SLC15A5: variants seen among roughly 807,000 people sequenced by gnomAD.
SLC15A5 encodes Peptide/histidine transporter ENSP00000340402.
Under a neutral mutation model 56.1 loss-of-function variants are expected in SLC15A5, and 58 were observed. The observed-to-expected ratio is 1.03, with a 90% CI of 0.84 to 1.29. The LOEUF is 1.29. Ranked by LOEUF, SLC15A5 falls within the 50% of genes most tolerant of loss-of-function variation. SLC15A5 has a pLI of 0.00. For synonymous variants in SLC15A5, 264 were observed against 250.5 expected, an observed-to-expected ratio of 1.05 and a Z score of -0.51; for missense variants, 681 against 672.1, an observed-to-expected ratio of 1.01 and a Z score of -0.15.
At chr12:16,249,820 G>A (rs149674497) in intron 3 of SLC15A5, among the ~76,000 whole-genome samples, 6 of 152,120 alleles carry the variant, frequency 3.9e-5, no homozygotes, top group African/African-American at 1.2e-4. Flanking sequence ...ATGTGTGTGC[G>A]TATTCACAAA....
chr12:16,202,339 T>C (rs1441833640), intron 7 of SLC15A5, among the ~76,000 whole-genome samples: 1 of 152,062 alleles, frequency 6.6e-6, no homozygotes, highest in Admixed American at 6.6e-5. Flanking sequence ...CCAACAGGTA[T>C]ATAAAAAACT....
chr12:16,267,907 TA>T lies in SLC15A5; in HGVS notation c.584+4653del, dbSNP rs79485675. ...GTTCACCCCACCATGCCTGGGTAATTAAAAAAAAATGTTTTTTTGGTAGAGA... is the reference window on the plus strand; with the variant it reads ...GTTCACCCCACCATGCCTGGGTAATTAAAAAAAATGTTTTTTTGGTAGAGA... On this transcript the variant is annotated intron_variant, in intron 2 of 8. Transcript: ENST00000344941. Among the ~76,000 whole-genome samples the T allele has an allele frequency of 3.1e-5, 3 of 97,322 alleles. 1 individual carries two copies. The highest frequency in any genetic ancestry group is 8.2e-5 in the African/African-American group (2 of 24,488). The allele number at this position is 97,322 out of a possible 152,430, so 63.8% of individuals were successfully genotyped here. A position where few individuals can be genotyped will look rare whatever the true frequency, so the allele number is the denominator to read the frequency against.
rs767510283 is a variant in SLC15A5 at position 16,269,319 on chromosome 12, C to A, written c.584+3242G>T. On this transcript the variant is annotated intron_variant, in intron 2 of 8. Transcript: ENST00000344941. The surrounding 1 kb of genome is among the most constrained non-coding windows in gnomAD (Gnocchi z 4.7). ...GTGATAATTAAAATGAGCAACACTGCGTTGGAACAGTGGTTCTCAACTCTA... is the reference window on the plus strand; with the variant it reads ...GTGATAATTAAAATGAGCAACACTGAGTTGGAACAGTGGTTCTCAACTCTA... Among the ~76,000 whole-genome samples the A allele has an allele frequency of 6.6e-6, 1 of 152,118 alleles. No homozygotes were observed. The highest frequency in any genetic ancestry group is 1.5e-5 in the Non-Finnish European group (1 of 68,028).
chr12:16,249,893 A>G (rs766541320), intron 3 of SLC15A5, among the ~76,000 whole-genome samples: 127 of 152,036 alleles, frequency 8.4e-4, no homozygotes, highest in Admixed American at 5.4e-3. Flanking sequence ...AGGAAAAATC[A>G]TATACTTTAC....
intron 7 of SLC15A5, among the ~76,000 whole-genome samples, chr12:16,213,179 G>C (rs1864099429): frequency 6.6e-6 from 1 of 152,072 alleles, no homozygotes; most frequent in Non-Finnish European, 1.5e-5. Flanking sequence ...CTTTGATAGA[G>C]AAAAATCAAG....
chr12:16,250,252 G>T (rs1357329241), intron 3 of SLC15A5, among the ~76,000 whole-genome samples: 2 of 151,916 alleles, frequency 1.3e-5, no homozygotes, highest in Non-Finnish European at 2.9e-5. Context: ...ATAAGACACA[G>T]GAATTTCTAA....
At chr12:16,244,833 T>A (rs1864447086) in intron 3 of SLC15A5, 33 bp from the exon 4 acceptor site, 1 of 1,512,502 alleles carries the variant, frequency 6.6e-7, no homozygotes, top group Non-Finnish European at 8.9e-7. Context: ...TGTATTAGTA[T>A]AGGAATTGTT....
intron 1 of SLC15A5, among the ~76,000 whole-genome samples, chr12:16,273,362 CACAA>C (rs201092250): frequency 0.01 from 1,557 of 151,850 alleles, 29 homozygotes; most frequent in African/African-American, 0.034. Context: ...CCTTCTTTGC[CACAA>C]ACAGAGTTGA....
chr12:16,222,190 C>T (rs1251078578), intron 6 of SLC15A5, among the ~76,000 whole-genome samples: 1 of 152,106 alleles, frequency 6.6e-6, no homozygotes, highest in Non-Finnish European at 1.5e-5. Flanking sequence ...CCACTTAGTC[C>T]TTTGAACAAC....
At chr12:16,225,805 G>A (rs1864235817) in intron 5 of SLC15A5, among the ~76,000 whole-genome samples, 3 of 152,126 alleles carry the variant, frequency 2.0e-5, no homozygotes, top group Admixed American at 6.5e-5. Context: ...GAAACAACAG[G>A]TGCTGGACAT....
At chr12:16,260,758 GT>G (rs36000800) in intron 2 of SLC15A5, among the ~76,000 whole-genome samples, 67,172 of 147,132 alleles carry the variant, frequency 0.46, 15,070 homozygotes, top group South Asian at 0.62. Context: ...GTATTTTCCC[GT>G]TTTTTTTTTT....
intron 5 of SLC15A5, among the ~76,000 whole-genome samples, chr12:16,232,908 T>C (rs1187460152): frequency 1.4e-5 from 2 of 142,014 alleles, no homozygotes; most frequent in Non-Finnish European, 3.0e-5. Flanking sequence ...AGAGCTAGAC[T>C]CTGTCTAAAA....
At chr12:16,222,399 T>C (rs968373253) in intron 6 of SLC15A5, among the ~76,000 whole-genome samples, 4 of 152,184 alleles carry the variant, frequency 2.6e-5, no homozygotes, top group Non-Finnish European at 5.9e-5. Context: ...TCATATGTTA[T>C]GTCATTTGAT....
At chr12:16,236,341 A>G (rs1028537255) in intron 5 of SLC15A5, among the ~76,000 whole-genome samples, 12 of 152,226 alleles carry the variant, frequency 7.9e-5, no homozygotes, top group African/African-American at 2.9e-4. Flanking sequence ...TTAACCAGAT[A>G]AATCCACACA....
chr12:16,233,613 T>C (rs2136254349), intron 5 of SLC15A5, among the ~76,000 whole-genome samples: 1 of 152,328 alleles, frequency 6.6e-6, no homozygotes, highest in African/African-American at 2.4e-5. Context: ...TACTGAACTT[T>C]CGTTCTGGCC....
rs1665696847 is a variant in SLC15A5, at chr12:16,237,475, G to C, written c.1162+2206C>G. On this transcript the variant is annotated intron_variant, in intron 5 of 8. Transcript: ENST00000344941. This position sits in a 1 kb window ranked among gnomAD's most constrained non-coding sequence, Gnocchi z 4.1. Reference sequence around the variant, plus strand: ...TCCTTTTTCCTGTGCAATAGGTCTTGTTACCAATCTTGAAGGGGAATATTT... The same window carrying C: ...TCCTTTTTCCTGTGCAATAGGTCTTCTTACCAATCTTGAAGGGGAATATTT... Among the ~76,000 whole-genome samples the C allele has an allele frequency of 6.6e-6, 1 of 152,032 alleles. No individual in the cohort carries two copies. The highest frequency in any genetic ancestry group is 2.4e-5 in the African/African-American group (1 of 41,386).
In SLC15A5 at chr12:16,243,251, C is replaced by G. The variant is rs1244075636; in HGVS notation, c.975+1329G>C. Among the ~76,000 whole-genome samples, 12 of 148,052 alleles carry G rather than the reference C, an allele frequency of 8.1e-5. No homozygotes were observed. The highest frequency in any genetic ancestry group is 6.7e-5 in the Admixed American group (1 of 14,818). The stretch of plus-strand genomic sequence containing the variant: ...TTGAGATGGAGTTTCATTCTTGTTT[C>G]CCAGGCTGGAGTACAATGGCATGAT... On this transcript the variant is annotated intron_variant, in intron 4 of 8. Transcript: ENST00000344941. The surrounding 1 kb of genome is among the most constrained non-coding windows in gnomAD (Gnocchi z 4.4).
intron 7 of SLC15A5, among the ~76,000 whole-genome samples, chr12:16,195,310 T>C (rs1863883320): frequency 6.6e-6 from 1 of 152,082 alleles, no homozygotes; most frequent in South Asian, 2.1e-4. Flanking sequence ...TTGTTTAATA[T>C]ATAAAATATA....
At chr12:16,257,995 T>G in intron 2 of SLC15A5, 125 bp from the exon 3 acceptor site, 1 of 819,580 alleles carries the variant, frequency 1.2e-6, no homozygotes. Context: ...AACCCAATTT[T>G]GCAAATGTTG....
Sources: allele counts gnomAD v4.1 joint callset (sites outside exome capture counted in the v4.1 genomes callset), GRCh38; gene constraint gnomAD v4.1.1; non-coding constraint Gnocchi (gnomAD v3.1); transcripts MANE v1.5; gene names NCBI Gene and HGNC (gene_info 2026-07-23, HGNC 2026-07-21).